The following VIPAS39 variants were observed in gnomAD, a reference collection of about 807,000 sequenced individuals.
VIPAS39 encodes VPS33B interacting protein, apical-basolateral polarity regulator, spe-39 homolog.
In VIPAS39, 63 loss-of-function variants were observed where a neutral mutation model predicts 84.7. The ratio of observed to expected loss-of-function variants is 0.74; its 90% CI spans 0.61 to 0.92. The LOEUF (loss-of-function observed/expected upper bound fraction) is 0.92. Among genes scored for constraint, VIPAS39 ranks in the 40% least tolerant of loss-of-function variants. The pLI is 0.00. For missense variants in VIPAS39, 499 were observed against 604.5 expected, an observed-to-expected ratio of 0.83 and a Z score of 1.83; for synonymous variants, 192 against 216.5, an observed-to-expected ratio of 0.89 and a Z score of 0.99.
chr14:77,457,051 C>T, intron 1 of VIPAS39: 3 of 1,359,138 alleles, frequency 2.2e-6, no homozygotes, highest in South Asian at 3.3e-5. Context: ...AGCAAGAAAA[C>T]CACAACATGC....
chr14:77,457,041 A>G lies in VIPAS39; in HGVS notation c.-1+454T>C. 5.2e-6 allele frequency: 7 copies of G among 1,339,514 alleles called. No homozygotes were observed. In the South Asian group the frequency reaches 6.7e-5, roughly 13 times the overall value. The allele number at this position is 1,339,514 out of a possible 1,614,324, so 83.0% of individuals were successfully genotyped here. A position where few individuals can be genotyped will look rare whatever the true frequency, so the allele number is the denominator to read the frequency against. On this transcript the variant is annotated intron_variant, in intron 1 of 19. Transcript: ENST00000557658. ...CTTTACAAAGGAAAACAGAAGAATCAGCAAGAAAACCACAACATGCTCCCT... is the reference window on the plus strand; with the variant it reads ...CTTTACAAAGGAAAACAGAAGAATCGGCAAGAAAACCACAACATGCTCCCT...
chr14:77,427,589 G>A lies in VIPAS39; in HGVS notation c.*27C>T, dbSNP rs1211757547. 3 of 1,614,070 alleles carry A rather than the reference G, an allele frequency of 1.9e-6. No homozygotes were observed. The highest frequency in any genetic ancestry group is 2.2e-5 in the East Asian group (1 of 44,874). ...TCACAGGCAGGAGAGGAGGAAATGA[G>A]GCAGGCTTCAAGGTAGTCAATGCCA... On this transcript the variant is annotated 3_prime_UTR_variant, in exon 20 of 20. Coordinates refer to ENST00000557658, the MANE Select transcript of VIPAS39 (RefSeq NM_001193315.2).
chr14:77,446,962 C>T (rs2078799897), intron 7 of VIPAS39, among the ~76,000 whole-genome samples: 1 of 148,698 alleles, frequency 6.7e-6, no homozygotes, highest in Admixed American at 7.3e-5. Flanking sequence ...AAAACATATC[C>T]TGCTATAAGA....
At chr14:77,432,943 T>C (rs915816932) in intron 16 of VIPAS39, among the ~76,000 whole-genome samples, 29 of 152,168 alleles carry the variant, frequency 1.9e-4, no homozygotes, top group African/African-American at 6.5e-4. Context: ...TTGGCATGAC[T>C]GTATAATCAT....
intron 3 of VIPAS39, among the ~76,000 whole-genome samples, chr14:77,451,887 T>A (rs191004649): frequency 3.3e-5 from 5 of 152,350 alleles, no homozygotes; most frequent in Admixed American, 6.5e-5. Context: ...CCATTGCTGG[T>A]GGTAGTATGA....
At position 77,440,932 on chromosome 14, in the gene VIPAS39, G is replaced by C; in HGVS notation, c.762+134C>G. ...AGGGTTTCACCATGTTGGCCAGGCT[G>C]GTCTTGAACTCCTGACCTCAGGTGA... On this transcript the variant is annotated intron_variant, in intron 11 of 19. Coordinates refer to ENST00000557658, the MANE Select transcript of VIPAS39 (RefSeq NM_001193315.2). 3 of 996,054 alleles carry C rather than the reference G, an allele frequency of 3.0e-6. No individual in the cohort carries two copies. In the South Asian group the frequency reaches 3.8e-5, roughly 13 times the overall value. 61.7% of individuals were successfully genotyped at this position (996,054 alleles called of 1,614,324 possible).
chr14:77,427,702 A>G (rs1257446056), intron 19 of VIPAS39, 66 bp from the exon 20 acceptor site: 2 of 1,593,082 alleles, frequency 1.3e-6, no homozygotes, highest in African/African-American at 1.3e-5. Flanking sequence ...CAAGGCAGAG[A>G]AAATGCAACA....
At chr14:77,445,324 T>C (rs1421802880) in intron 7 of VIPAS39, among the ~76,000 whole-genome samples, 1 of 152,218 alleles carries the variant, frequency 6.6e-6, no homozygotes, top group Non-Finnish European at 1.5e-5. Flanking sequence ...TTAAAGTGAT[T>C]ATTGGTCATT....
intron 12 of VIPAS39, among the ~76,000 whole-genome samples, chr14:77,437,191 T>C (rs1339490674): frequency 6.6e-6 from 1 of 152,200 alleles, no homozygotes; most frequent in Non-Finnish European, 1.5e-5. Context: ...GGGTAGACTC[T>C]ACACCTGTCT....
intron 3 of VIPAS39, among the ~76,000 whole-genome samples, chr14:77,452,197 T>C (rs1012353202): frequency 1.3e-5 from 2 of 152,208 alleles, no homozygotes; most frequent in East Asian, 3.8e-4. Context: ...CCAAGCTATA[T>C]TAACACATAA....
chr14:77,456,821 A>T (rs1055304861), intron 1 of VIPAS39, among the ~76,000 whole-genome samples: 1 of 152,234 alleles, frequency 6.6e-6, no homozygotes, highest in East Asian at 1.9e-4. Flanking sequence ...GCCAAATGAG[A>T]AGCTAGGTTT....
chr14:77,430,586 G>A (rs1306848206), intron 16 of VIPAS39, among the ~76,000 whole-genome samples: 1 of 151,868 alleles, frequency 6.6e-6, no homozygotes, highest in South Asian at 2.1e-4. Context: ...GCAGGGTGGC[G>A]CATGCCTTTA....
intron 10 of VIPAS39, 65 bp downstream of exon 10, chr14:77,442,495 T>C: frequency 7.4e-7 from 1 of 1,360,006 alleles, no homozygotes; most frequent in Non-Finnish European, 1.1e-6. Context: ...TATTCCTTTG[T>C]ATCCCTCAGA....
At chr14:77,443,211 CA>C (rs2078730083) in intron 8 of VIPAS39, 59 bp from the exon 9 acceptor site, 1 of 1,597,300 alleles carries the variant, frequency 6.3e-7, no homozygotes, top group Admixed American at 1.7e-5. Context: ...ATGCCCTGAG[CA>C]CTACAGACAC....
At chr14:77,456,886 T>C (rs572089586) in intron 1 of VIPAS39, among the ~76,000 whole-genome samples, 1 of 152,296 alleles carries the variant, frequency 6.6e-6, no homozygotes, top group South Asian at 2.1e-4. Context: ...AGTAATCAGG[T>C]ACGATTGTCA....
At chr14:77,449,185 G>T in intron 6 of VIPAS39, 108 bp downstream of exon 6, 1 of 1,264,956 alleles carries the variant, frequency 7.9e-7, no homozygotes, top group Non-Finnish European at 1.2e-6. Flanking sequence ...CTATAAAACA[G>T]GGTTAAAAAA....
intron 8 of VIPAS39, 100 bp downstream of exon 8, chr14:77,444,149 T>C: frequency 8.2e-7 from 1 of 1,222,710 alleles, no homozygotes; most frequent in Non-Finnish European, 1.2e-6. Flanking sequence ...TCCAGGATCT[T>C]TACTTAACAT....
intron 3 of VIPAS39, 108 bp from the exon 4 acceptor site, chr14:77,451,441 G>T: frequency 6.6e-7 from 1 of 1,525,106 alleles, no homozygotes; most frequent in Non-Finnish European, 9.1e-7. Context: ...TGGTCCCTTG[G>T]CCAACTTGGG....
intron 2 of VIPAS39, 58 bp from the exon 3 acceptor site, chr14:77,453,459 C>T: frequency 6.5e-7 from 1 of 1,535,088 alleles, no homozygotes. Context: ...CACCTCTCTT[C>T]TGACAATCAA....
Sources: allele counts gnomAD v4.1 joint callset (sites outside exome capture counted in the v4.1 genomes callset), GRCh38; gene constraint gnomAD v4.1.1; transcripts MANE v1.5; gene names NCBI Gene and HGNC (gene_info 2026-07-23, HGNC 2026-07-21).